Variants in GRIN2A observed in about 807,000 individuals in gnomAD.
GRIN2A encodes the protein glutamate receptor ionotropic, NMDA 2A.
GRIN2A carries 22 observed loss-of-function variants against 113.4 expected under a neutral mutation model. The ratio of observed to expected loss-of-function variants is 0.19; its 90% CI spans 0.14 to 0.28. The LOEUF is 0.28. GRIN2A is among the 10% of genes least tolerant of loss of function. The pLI, the probability that GRIN2A is intolerant of heterozygous loss-of-function variation, is 1.00. For missense variants in GRIN2A, 1,502 were observed against 1,887.0 expected, an observed-to-expected ratio of 0.80 and a Z score of 3.78; for synonymous variants, 827 against 738.4, an observed-to-expected ratio of 1.12 and a Z score of -1.94.
intron 8 of GRIN2A, among the ~76,000 whole-genome samples, chr16:9,833,146 T>C (rs2042526290): frequency 1.3e-5 from 2 of 152,208 alleles, no homozygotes; most frequent in Middle Eastern, 3.2e-3. Flanking sequence ...CCACTCAAAA[T>C]GGCATAACGT....
At chr16:10,040,868 T>C (rs542095309) in intron 2 of GRIN2A, among the ~76,000 whole-genome samples, 1 of 152,368 alleles carries the variant, frequency 6.6e-6, no homozygotes, top group East Asian at 1.9e-4. Context: ...GCTGTGCCGA[T>C]GAGCCGTCGT....
chr16:10,147,230 C>T (rs973361629), intron 2 of GRIN2A, among the ~76,000 whole-genome samples: 1 of 151,928 alleles, frequency 6.6e-6, no homozygotes, highest in African/African-American at 2.4e-5. Context: ...ATTTTGCCCT[C>T]CCCCCAGCAA....
chr16:9,921,983 A>G (rs2044366670), intron 3 of GRIN2A, among the ~76,000 whole-genome samples: 1 of 152,248 alleles, frequency 6.6e-6, no homozygotes, highest in Non-Finnish European at 1.5e-5. Context: ...TGTTACAACT[A>G]ATAATATATT....
intron 2 of GRIN2A, among the ~76,000 whole-genome samples, chr16:10,048,096 A>G (rs1295261346): frequency 6.6e-6 from 1 of 152,234 alleles, no homozygotes; most frequent in African/African-American, 2.4e-5. Flanking sequence ...CTCAATAGTT[A>G]TATTTCCTGA....
intron 2 of GRIN2A, among the ~76,000 whole-genome samples, chr16:10,110,330 T>C (rs200358469): frequency 6.6e-6 from 1 of 152,258 alleles, no homozygotes; most frequent in Non-Finnish European, 1.5e-5. Context: ...TAGACAAGGC[T>C]AGATCACACA....
chr16:10,080,835 G>T (rs770888684), intron 2 of GRIN2A, among the ~76,000 whole-genome samples: 10 of 152,130 alleles, frequency 6.6e-5, no homozygotes, highest in Non-Finnish European at 1.2e-4. Context: ...TACTTGAACA[G>T]CCTTTGAAGG....
At chr16:10,012,515 G>C (rs1054094082) in intron 2 of GRIN2A, among the ~76,000 whole-genome samples, 2 of 152,120 alleles carry the variant, frequency 1.3e-5, no homozygotes, top group African/African-American at 2.4e-5. Flanking sequence ...TTGTTCAATC[G>C]ATTCTAAAAG....
At chr16:9,994,431 G>C (rs562325582) in intron 2 of GRIN2A, among the ~76,000 whole-genome samples, 1 of 152,250 alleles carries the variant, frequency 6.6e-6, no homozygotes, top group East Asian at 1.9e-4. Flanking sequence ...AAATGAGAGA[G>C]TCTCAGCAAT....
At chr16:10,097,338 G>A (rs1335069405) in intron 2 of GRIN2A, among the ~76,000 whole-genome samples, 2 of 152,204 alleles carry the variant, frequency 1.3e-5, no homozygotes, top group African/African-American at 4.8e-5. Flanking sequence ...AATAATCGTA[G>A]AGATGTTTGA....
chr16:9,852,456 A>C (rs2141375395), intron 4 of GRIN2A, among the ~76,000 whole-genome samples: 1 of 152,306 alleles, frequency 6.6e-6, no homozygotes, highest in East Asian at 1.9e-4. Context: ...TTTCAGTCCA[A>C]CGCTCGCTCA....
chr16:9,839,953 C>T (rs2042644757), intron 7 of GRIN2A, among the ~76,000 whole-genome samples: 1 of 151,688 alleles, frequency 6.6e-6, no homozygotes, highest in Non-Finnish European at 1.5e-5. Flanking sequence ...GGCGAAACCC[C>T]ATCTCTACAC....
At position 9,939,197 on chromosome 16, in the gene GRIN2A, CT is replaced by C. The variant is rs533805682; in HGVS notation, c.415-647del. Among the ~76,000 whole-genome samples the C allele has an allele frequency of 3.0e-3, 463 of 152,218 alleles. 1 individual carries two copies. Among genetic ancestry groups the C allele is most frequent in the Middle Eastern group, 0.027 (8 of 294 alleles). Reference sequence around the variant, plus strand: ...TTAATAAGAATTAAGTGGAAGACAACTTCTACAAACTAAGAGCTAAAAGAGG... The same window carrying C: ...TTAATAAGAATTAAGTGGAAGACAACTCTACAAACTAAGAGCTAAAAGAGG... On this transcript the variant is annotated intron_variant, in intron 2 of 12. Transcript: ENST00000330684.
chr16:9,778,451 T>C (rs1901739715), intron 11 of GRIN2A, among the ~76,000 whole-genome samples: 1 of 152,230 alleles, frequency 6.6e-6, no homozygotes, highest in African/African-American at 2.4e-5. Context: ...GTCCTCAAAA[T>C]CTGATGACTT....
chr16:9,945,234 G>A (rs1018437831), intron 2 of GRIN2A, among the ~76,000 whole-genome samples: 2 of 152,092 alleles, frequency 1.3e-5, no homozygotes, highest in African/African-American at 2.4e-5. Context: ...GGAGTGGGGT[G>A]GAGAGAGGAG....
intron 2 of GRIN2A, among the ~76,000 whole-genome samples, chr16:10,120,055 T>C (rs774266097): frequency 6.6e-6 from 1 of 152,240 alleles, no homozygotes; most frequent in African/African-American, 2.4e-5. Context: ...TGTATGCATA[T>C]ATCTTTATAT....
intron 2 of GRIN2A, among the ~76,000 whole-genome samples, chr16:10,075,497 G>A (rs2047853606): frequency 6.6e-6 from 1 of 152,078 alleles, no homozygotes; most frequent in African/African-American, 2.4e-5. Context: ...TTGGAACGAT[G>A]GAAAAGTTCT....
chr16:10,117,292 C>G (rs913797310), intron 2 of GRIN2A, among the ~76,000 whole-genome samples: 27 of 152,142 alleles, frequency 1.8e-4, no homozygotes, highest in African/African-American at 5.8e-4. Context: ...TCTTTTCCCC[C>G]AGGAGCTCTT....
intron 2 of GRIN2A, among the ~76,000 whole-genome samples, chr16:10,032,349 A>C (rs2046945491): frequency 1.3e-5 from 2 of 152,242 alleles, no homozygotes; most frequent in African/African-American, 4.8e-5. Context: ...TGTACAAATT[A>C]AGTGATTTTT....
At chr16:9,843,561 T>TCTGCTTATCAATGCTTTTCCTGTG (rs2042719964) in intron 5 of GRIN2A, among the ~76,000 whole-genome samples, 1 of 152,208 alleles carries the variant, frequency 6.6e-6, no homozygotes, top group Non-Finnish European at 1.5e-5. Flanking sequence ...TGCTTTCCTT[T>TCTGCTTATCAATGCTTTTCCTGTG]ATCTCAGGAT....
Sources: allele counts gnomAD v4.1 joint callset (sites outside exome capture counted in the v4.1 genomes callset), GRCh38; gene constraint gnomAD v4.1.1; transcripts MANE v1.5; gene names NCBI Gene and HGNC (gene_info 2026-07-23, HGNC 2026-07-21).